PLAAT5: variants seen among roughly 807,000 people sequenced by gnomAD.
PLAAT5 encodes the protein Ca(2+)-independent N-acyltransferase.
In PLAAT5, 27 loss-of-function variants were observed where a neutral mutation model predicts 27.8. That is an observed-to-expected ratio of 0.97 (90% confidence interval 0.72 to 1.34). The LOEUF (loss-of-function observed/expected upper bound fraction) is 1.34. Ranked by LOEUF, PLAAT5 falls within the 40% of genes most tolerant of loss-of-function variation. PLAAT5 has a pLI of 0.00. For synonymous variants in PLAAT5, 125 were observed against 136.1 expected, an observed-to-expected ratio of 0.92 and a Z score of 0.57; for missense variants, 368 against 343.8, an observed-to-expected ratio of 1.07 and a Z score of -0.56.
chr11:63,481,598 C>A (rs1328661012), intron 3 of PLAAT5, among the ~76,000 whole-genome samples: 1 of 152,204 alleles, frequency 6.6e-6, no homozygotes, highest in Admixed American at 6.5e-5. Flanking sequence ...CTCCTATTTT[C>A]TAAGGCCTCC....
chr11:63,474,151 T>C (rs1455754818), intron 3 of PLAAT5, among the ~76,000 whole-genome samples: 1 of 152,212 alleles, frequency 6.6e-6, no homozygotes, highest in African/African-American at 2.4e-5. Context: ...TTCATAGAGA[T>C]ATTAGTCTTG....
chr11:63,485,242 C>T (rs764629771), intron 3 of PLAAT5, among the ~76,000 whole-genome samples: 5 of 151,976 alleles, frequency 3.3e-5, no homozygotes, highest in Non-Finnish European at 7.4e-5. Flanking sequence ...AGTGTAATTC[C>T]CATCAAAATA....
intron 3 of PLAAT5, among the ~76,000 whole-genome samples, chr11:63,481,906 TG>T (rs1362447079): frequency 2.6e-5 from 4 of 151,988 alleles, no homozygotes; most frequent in Non-Finnish European, 1.5e-5. Flanking sequence ...GGGACTGTTG[TG>T]GGGTAGGGGG....
intron 3 of PLAAT5, among the ~76,000 whole-genome samples, chr11:63,478,602 C>T (rs1173363965): frequency 6.6e-6 from 1 of 152,220 alleles, no homozygotes; most frequent in Non-Finnish European, 1.5e-5. Flanking sequence ...CGTGAGCCCA[C>T]GCCCGACCAC....
At chr11:63,485,652 G>A (rs2016416113) in intron 3 of PLAAT5, among the ~76,000 whole-genome samples, 1 of 152,106 alleles carries the variant, frequency 6.6e-6, no homozygotes, top group African/African-American at 2.4e-5. Context: ...TTAAATCTAA[G>A]ATATGAAACC....
intron 3 of PLAAT5, among the ~76,000 whole-genome samples, chr11:63,473,093 A>G (rs915085916): frequency 6.6e-6 from 1 of 152,032 alleles, no homozygotes; most frequent in African/African-American, 2.4e-5. Context: ...ACTCCAGCAT[A>G]GGTGACAGAG....
chr11:63,490,804 G>T, intron 1 of PLAAT5, 83 bp downstream of exon 1: 1 of 1,266,338 alleles, frequency 7.9e-7, no homozygotes. Context: ...AATGTCTTAA[G>T]AAAAGGAGCT....
chr11:63,482,461 A>G (rs1055580316), intron 3 of PLAAT5, among the ~76,000 whole-genome samples: 2 of 152,356 alleles, frequency 1.3e-5, no homozygotes, highest in Admixed American at 1.3e-4. Context: ...TCCTATCTTT[A>G]GCCATCTCAA....
chr11:63,466,145 T>C lies in PLAAT5; in HGVS notation c.682A>G (p.Asn228Asp). The C allele has an allele frequency of 1.2e-6, 2 of 1,614,134 alleles. No individual in the cohort carries two copies. The highest frequency in any genetic ancestry group is 1.7e-6 in the Non-Finnish European group (2 of 1,180,020). ...CGGGGTACGCCATATCTGAGGCCAT[T>C]GACAAAGTGCTCACAGTTCCCTTCA... ...LIEGNCEHFV[N>D]GLRYGVPRSQ... Residue 228 changes from asparagine (N) to aspartate (D), a missense_variant, in exon 5 of 6, where the codon AAT becomes GAT. By Grantham distance (23) the Asn-to-Asp change is conservative. Coordinates refer to ENST00000540857, the MANE Select transcript of PLAAT5 (RefSeq NM_001146729.2).
At chr11:63,466,399 G>A in intron 4 of PLAAT5, 27 bp from the exon 5 acceptor site, 1 of 1,610,442 alleles carries the variant, frequency 6.2e-7, no homozygotes, top group South Asian at 1.1e-5. Context: ...AACAAAGGTT[G>A]GGAAATACAA....
chr11:63,483,266 A>G (rs1487396160), intron 3 of PLAAT5, among the ~76,000 whole-genome samples: 6 of 152,124 alleles, frequency 3.9e-5, no homozygotes, highest in Non-Finnish European at 8.8e-5. Context: ...AACTTAACAG[A>G]TATTTACAGA....
At chr11:63,483,784 A>ATATATATATATATATATATGTATATATAT in intron 3 of PLAAT5, among the ~76,000 whole-genome samples, 1 of 65,676 alleles carries the variant, frequency 1.5e-5, no homozygotes, top group Non-Finnish European at 2.6e-5. Flanking sequence ...GCAAAAAAAA[A>ATATATATATATATATATATGTATATATAT]ATATATATAT....
intron 3 of PLAAT5, among the ~76,000 whole-genome samples, chr11:63,473,105 A>T (rs765024741): frequency 2.0e-5 from 3 of 152,102 alleles, no homozygotes; most frequent in Admixed American, 2.0e-4. Flanking sequence ...GTGACAGAGC[A>T]AGACTCTGCC....
intron 5 of PLAAT5, 142 bp downstream of exon 5, chr11:63,465,968 T>C (rs1027431339): frequency 1.1e-6 from 1 of 886,782 alleles, no homozygotes; most frequent in African/African-American, 1.7e-5. Context: ...TCCTGAACCA[T>C]AAAGTCCTGC....
In PLAAT5 at chr11:63,461,666, T is replaced by C. The variant is rs1344502037; in HGVS notation, c.*1837A>G. ...TCATCTTCAAAGTGTGGGGTATGCATTCCAGATCTCTCAGCCTGATGGACA... is the reference window on the plus strand; with the variant it reads ...TCATCTTCAAAGTGTGGGGTATGCACTCCAGATCTCTCAGCCTGATGGACA... On this transcript the variant is annotated 3_prime_UTR_variant, in exon 6 of 6. Coordinates refer to ENST00000540857, the MANE Select transcript of PLAAT5 (RefSeq NM_001146729.2). 2.6e-5 allele frequency: 4 copies of C among 152,176 alleles called. No individual in the cohort carries two copies. Among genetic ancestry groups the C allele is most frequent in the African/African-American group, 9.7e-5 (4 of 41,432 alleles). The allele number at this position is 152,176 out of a possible 1,614,324, so 9.4% of individuals were successfully genotyped here.
At chr11:63,483,818 TATATATATATATATATATATATATAC>T (rs2016360454) in intron 3 of PLAAT5, among the ~76,000 whole-genome samples, 1 of 90,668 alleles carries the variant, frequency 1.1e-5, no homozygotes, top group Non-Finnish European at 2.1e-5. Flanking sequence ...TATATATATA[TATATATATATATATATATATATATAC>T]ACATATATAT....
chr11:63,486,636 T>A (rs903630858), intron 3 of PLAAT5, among the ~76,000 whole-genome samples: 3 of 152,070 alleles, frequency 2.0e-5, no homozygotes, highest in Non-Finnish European at 4.4e-5. Flanking sequence ...AAGAATGATG[T>A]AATCAACTTT....
At chr11:63,475,078 G>T (rs927205363) in intron 3 of PLAAT5, among the ~76,000 whole-genome samples, 6 of 152,008 alleles carry the variant, frequency 3.9e-5, no homozygotes, top group African/African-American at 1.2e-4. Context: ...CTAGAAGAGG[G>T]TCTACACTGG....
rs1315466519 is a variant in PLAAT5, at chr11:63,463,559, C to T, written c.754G>A (p.Gly252Arg). The stretch of plus-strand genomic sequence containing the variant: ...TCCACTACAGCTGAAATAACTGCTC[C>T]AGCAGCCTTCGCTCCTTCCATCAGG... ...HALMEGAKAAGAVISAVVDSI... is the reference protein window; with the variant it reads ...HALMEGAKAARAVISAVVDSI... The change falls in exon 6 of 6, where the codon GGA becomes AGA. Residue 252 changes from glycine (G) to arginine (R), a missense_variant. By Grantham distance (125) the Gly-to-Arg change is moderately radical. Transcript: ENST00000540857. The T allele has an allele frequency of 5.0e-6, 8 of 1,613,878 alleles. No individual in the cohort carries two copies. The highest frequency in any genetic ancestry group is 1.7e-5 in the Admixed American group (1 of 60,028).
Sources: allele counts gnomAD v4.1 joint callset (sites outside exome capture counted in the v4.1 genomes callset), GRCh38; gene constraint gnomAD v4.1.1; transcripts MANE v1.5; gene names NCBI Gene and HGNC (gene_info 2026-07-23, HGNC 2026-07-21).